The following CDK14 variants were observed in gnomAD, a reference collection of about 807,000 sequenced individuals.
The protein encoded by CDK14 is cyclin-dependent kinase 14.
CDK14 carries 34 observed loss-of-function variants against 60.7 expected under a neutral mutation model. The observed-to-expected ratio is 0.56, with a 90% CI of 0.43 to 0.75. The LOEUF is 0.75. Among genes scored for constraint, CDK14 ranks in the 30% least tolerant of loss-of-function variants. The pLI is 0.00. For missense variants in CDK14, 482 were observed against 564.1 expected (o/e 0.85, Z 1.47); for synonymous variants, 197 against 203.7 (o/e 0.97, Z 0.28).
At chr7:90,620,123 A>G (rs556994247) in intron 2 of CDK14, among the ~76,000 whole-genome samples, 1 of 152,312 alleles carries the variant, frequency 6.6e-6, no homozygotes, top group African/African-American at 2.4e-5. Context: ...TGATGTATCA[A>G]TGTATAGTAT....
intron 2 of CDK14, among the ~76,000 whole-genome samples, chr7:90,643,283 A>G (rs960725544): frequency 2.0e-5 from 3 of 152,038 alleles, no homozygotes. Flanking sequence ...TTGTGTTTCT[A>G]ATTTATTCAT....
At chr7:90,764,557 A>G (rs1013922972) in intron 4 of CDK14, among the ~76,000 whole-genome samples, 1 of 152,162 alleles carries the variant, frequency 6.6e-6, no homozygotes, top group Non-Finnish European at 1.5e-5. Context: ...TAGGATTGCA[A>G]TTTGCATAGA....
intron 3 of CDK14, among the ~76,000 whole-genome samples, chr7:90,730,363 A>G (rs922245585): frequency 6.6e-6 from 1 of 152,208 alleles, no homozygotes; most frequent in African/African-American, 2.4e-5. Context: ...TCCTTTGGGT[A>G]TATACCCAGT....
chr7:90,950,203 A>T (rs10223932), intron 8 of CDK14, among the ~76,000 whole-genome samples: 1 of 152,064 alleles, frequency 6.6e-6, no homozygotes, highest in South Asian at 2.1e-4. Context: ...CAGCCTCTCG[A>T]GTACCTGGGA....
chr7:90,663,434 A>G (rs1318018255), intron 2 of CDK14, among the ~76,000 whole-genome samples: 10 of 152,156 alleles, frequency 6.6e-5, no homozygotes, highest in Non-Finnish European at 2.9e-5. Context: ...TCCTGCCAGT[A>G]TGTTCACAAC....
chr7:90,863,867 ATTC>A (rs1250749998), intron 6 of CDK14, among the ~76,000 whole-genome samples: 3 of 152,140 alleles, frequency 2.0e-5, no homozygotes, highest in African/African-American at 2.4e-5. Context: ...CTCATAATTA[ATTC>A]TTCTCCATTT....
At chr7:91,057,875 A>C (rs1797635333) in intron 11 of CDK14, among the ~76,000 whole-genome samples, 2 of 152,174 alleles carry the variant, frequency 1.3e-5, no homozygotes, top group South Asian at 4.2e-4. Flanking sequence ...CTTAGGATTG[A>C]CTTGGCAATG....
At chr7:90,984,982 A>T (rs775920877) in intron 10 of CDK14, among the ~76,000 whole-genome samples, 11 of 152,242 alleles carry the variant, frequency 7.2e-5, no homozygotes, top group Non-Finnish European at 1.2e-4. Flanking sequence ...GGTCTCCTGG[A>T]TGAAATACTA....
chr7:91,192,258 C>A (rs1172437838), intron 14 of CDK14, among the ~76,000 whole-genome samples: 1 of 152,094 alleles, frequency 6.6e-6, no homozygotes, highest in Non-Finnish European at 1.5e-5. Flanking sequence ...CAAAGTAAGA[C>A]CATAGAAGAT....
Position 90,874,503 on chromosome 7 carries a change from CTTTTTTTTTTTTTTTTTTT to C in CDK14, c.639+11252_639+11270del, listed in dbSNP as rs747439482. On this transcript the variant is annotated intron_variant, in intron 6 of 14. Coordinates refer to ENST00000380050, the MANE Select transcript of CDK14 (RefSeq NM_001287135.2). The stretch of plus-strand genomic sequence containing the variant: ...ATCTGGAATCTCATGTCCTTTCATC[CTTTTTTTTTTTTTTTTTTT>C]TTTTTTTTTTTTTTTTTGAGACGGA... 5.6e-4 allele frequency among the ~76,000 whole-genome samples: 27 copies of C among 48,008 alleles called. No individual in the cohort carries two copies. In the East Asian group the frequency reaches 6.0e-3, roughly 11 times the overall value. 31.5% of individuals were successfully genotyped at this position (48,008 alleles called of 152,430 possible).
intron 2 of CDK14, among the ~76,000 whole-genome samples, chr7:90,707,776 C>A (rs921973806): frequency 6.6e-6 from 1 of 152,238 alleles, no homozygotes; most frequent in African/African-American, 2.4e-5. Flanking sequence ...TTCAGCTTTA[C>A]GTTACCTCCT....
At chr7:91,059,289 C>T (rs1365969883) in intron 11 of CDK14, among the ~76,000 whole-genome samples, 1 of 152,058 alleles carries the variant, frequency 6.6e-6, no homozygotes, top group Non-Finnish European at 1.5e-5. Context: ...TTTGATTCTT[C>T]TCTCTTTTCT....
At chr7:90,642,932 C>G (rs975015118) in intron 2 of CDK14, among the ~76,000 whole-genome samples, 3 of 152,168 alleles carry the variant, frequency 2.0e-5, no homozygotes, top group Non-Finnish European at 4.4e-5. Context: ...CACTCTGTGT[C>G]AAAACTTGTA....
intron 11 of CDK14, among the ~76,000 whole-genome samples, chr7:91,048,009 G>A (rs931424991): frequency 2.0e-5 from 3 of 152,108 alleles, no homozygotes; most frequent in Non-Finnish European, 4.4e-5. Context: ...GATTTACCCC[G>A]AAGTGTGCCC....
intron 12 of CDK14, among the ~76,000 whole-genome samples, chr7:91,088,426 C>A (rs1380923948): frequency 6.6e-6 from 1 of 152,140 alleles, no homozygotes; most frequent in Non-Finnish European, 1.5e-5. Context: ...ACTGAAAAGC[C>A]TGAAACACAC....
At chr7:91,064,316 A>G (rs1797903854) in intron 11 of CDK14, among the ~76,000 whole-genome samples, 1 of 151,448 alleles carries the variant, frequency 6.6e-6, no homozygotes, top group Non-Finnish European at 1.5e-5. Context: ...GAGGGGTGTC[A>G]TGGTATAGTG....
At chr7:91,112,789 CATAAG>C (rs1386464106) in intron 13 of CDK14, 108 bp downstream of exon 13, 3 of 1,171,258 alleles carry the variant, frequency 2.6e-6, no homozygotes, top group Non-Finnish European at 3.7e-6. Flanking sequence ...TGTCCACAAA[CATAAG>C]ATAATGTATG....
Position 90,844,083 on chromosome 7 carries a change from A to T in CDK14, c.545-19092A>T, listed in dbSNP as rs529027348. 4.6e-5 allele frequency among the ~76,000 whole-genome samples: 7 copies of T among 152,336 alleles called. No homozygotes were observed. The South Asian group carries it at 1.2e-3, about 27-fold the overall frequency. On this transcript the variant is annotated intron_variant, in intron 5 of 14. Coordinates refer to ENST00000380050, the MANE Select transcript of CDK14 (RefSeq NM_001287135.2). ...CCTTGGAGTGTCCTTGGTAACAGGCATATAACAGAGAAACAGAGCAATAAC... is the reference window on the plus strand; with the variant it reads ...CCTTGGAGTGTCCTTGGTAACAGGCTTATAACAGAGAAACAGAGCAATAAC...
chr7:90,613,543 C>T (rs1799587423), intron 2 of CDK14, among the ~76,000 whole-genome samples: 1 of 151,744 alleles, frequency 6.6e-6, no homozygotes, highest in South Asian at 2.1e-4. Flanking sequence ...AAAAATTAGC[C>T]AGGCGTGGTG....
Sources: allele counts gnomAD v4.1 joint callset (sites outside exome capture counted in the v4.1 genomes callset), GRCh38; gene constraint gnomAD v4.1.1; transcripts MANE v1.5; gene names NCBI Gene and HGNC (gene_info 2026-07-23, HGNC 2026-07-21).